The following ZNF429 variants were observed in gnomAD, a reference collection of about 807,000 sequenced individuals.
The protein encoded by ZNF429 is zinc finger protein 429.
Under a neutral mutation model 56.8 loss-of-function variants are expected in ZNF429, and 53 were observed. The ratio of observed to expected loss-of-function variants is 0.93; its 90% confidence interval spans 0.75 to 1.17. The LOEUF (loss-of-function observed/expected upper bound fraction) is 1.17, where lower values mean the gene tolerates loss of function less well. ZNF429 is among the 50% of genes most tolerant of loss of function. The pLI is 0.00. For synonymous variants in ZNF429, 278 were observed against 264.7 expected, an observed-to-expected ratio of 1.05 and a Z score of -0.49; for missense variants, 849 against 788.4, an observed-to-expected ratio of 1.08 and a Z score of -0.92.
At position 21,538,621 on chromosome 19, in the gene ZNF429, A is replaced by T. The variant is rs570612321; in HGVS notation, c.*543A>T. ...TCTAAAAAATATATAAATAAATAAA[A>T]GAAAGAAAATTCATAGTAGAGAGAA... On this transcript the variant is annotated 3_prime_UTR_variant, in exon 4 of 4. Coordinates refer to ENST00000358491, the MANE Select transcript of ZNF429 (RefSeq NM_001001415.4). The T allele has an allele frequency of 1.9e-4, 29 of 152,208 alleles. No homozygotes were observed. The highest frequency in any genetic ancestry group is 6.8e-4 in the African/African-American group (28 of 41,458). 9.4% of individuals were successfully genotyped at this position (152,208 alleles called of 1,614,324 possible).
chr19:21,536,745 G>A lies in ZNF429; in HGVS notation c.692G>A (p.Cys231Tyr), dbSNP rs1311252841. Residue 231 changes from cysteine (C) to tyrosine (Y), a missense_variant, in exon 4 of 4, where the codon TGT becomes TAT. By Grantham distance (194) the Cys-to-Tyr change is radical (BLOSUM62 -2). Coordinates refer to ENST00000358491, the MANE Select transcript of ZNF429 (RefSeq NM_001001415.4). ...TATGTTGGTGAGAAACACTACAGAT[G>A]TGAAGAATGTGGCAAAGCATTTAAC... is the stretch of plus-strand genomic sequence containing the variant. ...RIYVGEKHYR[C>Y]EECGKAFNHY... 8 of 1,613,550 alleles carry A rather than the reference G, an allele frequency of 5.0e-6. No homozygotes were observed. The highest frequency in any genetic ancestry group is 4.2e-6 in the Non-Finnish European group (5 of 1,179,926).
At position 21,511,406 on chromosome 19, in the gene ZNF429, G is replaced by A. The variant is rs1225208695; in HGVS notation, c.3+5632G>A. ...CTCCTCACCTCCCAGACAGGGTCAC[G>A]GCCGGGCAGAGGCGCTCCTCACATC... On this transcript the variant is annotated intron_variant, in intron 1 of 3. Coordinates refer to ENST00000358491, the MANE Select transcript of ZNF429 (RefSeq NM_001001415.4). Among the ~76,000 whole-genome samples, 4 of 151,740 alleles carry A rather than the reference G, an allele frequency of 2.6e-5. No homozygotes were observed. The South Asian group carries it at 8.3e-4, about 32-fold the overall frequency.
At chr19:21,532,451 C>T in intron 3 of ZNF429, among the ~76,000 whole-genome samples, 3 of 152,082 alleles carry the variant, frequency 2.0e-5, no homozygotes, top group Admixed American at 6.6e-5. Flanking sequence ...GAAACCACTA[C>T]TCTCAAACAT....
Position 21,535,361 on chromosome 19 carries a change from CTT to C in ZNF429, c.227-917_227-916del. On this transcript the variant is annotated intron_variant, in intron 3 of 3. Coordinates refer to ENST00000358491, the MANE Select transcript of ZNF429 (RefSeq NM_001001415.4). The stretch of plus-strand genomic sequence containing the variant: ...TTTCTTTCCTTTCCTTTCTTTTCTT[CTT>C]TCTTTCTTTCTTTCTTTTTTACTTT... 3.2e-4 allele frequency among the ~76,000 whole-genome samples: 14 copies of C among 43,892 alleles called. 1 individual carries two copies. Among genetic ancestry groups the C allele is most frequent in the East Asian group, 2.1e-3 (4 of 1,936 alleles). 28.8% of individuals were successfully genotyped at this position (43,892 alleles called of 152,430 possible).
intron 3 of ZNF429, among the ~76,000 whole-genome samples, chr19:21,533,108 C>G: frequency 4.6e-5 from 7 of 151,820 alleles, no homozygotes; most frequent in Non-Finnish European, 8.8e-5. Flanking sequence ...GCATCATCAA[C>G]AGCTTTGGTG....
At position 21,537,104 on chromosome 19, in the gene ZNF429, A is replaced by C. The variant is rs1447257660; in HGVS notation, c.1051A>C (p.Asn351His). ...YKCEECGKAF[N>H]WSSTLTKHKV... Reference sequence around the variant, plus strand: ...ATGTGAAGAATGTGGCAAAGCCTTTAACTGGTCTTCAACTCTTACTAAACA... The same window carrying C: ...ATGTGAAGAATGTGGCAAAGCCTTTCACTGGTCTTCAACTCTTACTAAACA... The change falls in exon 4 of 4, where the codon AAC becomes CAC. Residue 351 changes from asparagine (N) to histidine (H), a missense_variant. Coordinates refer to ENST00000358491, the MANE Select transcript of ZNF429 (RefSeq NM_001001415.4). 2 of 1,613,990 alleles carry C rather than the reference A, an allele frequency of 1.2e-6. No homozygotes were observed. The highest frequency in any genetic ancestry group is 1.3e-5 in the African/African-American group (1 of 75,048).
At position 21,536,770 on chromosome 19, in the gene ZNF429, C is replaced by T. The variant is rs763511565; in HGVS notation, c.717C>T (p.Asn239=). Residue 239 remains asparagine, a synonymous_variant, in exon 4 of 4, where the codon AAC becomes AAT. Transcript: ENST00000358491. ...YRCEECGKAF[N]HYSTLTNHKR... The stretch of plus-strand genomic sequence containing the variant: ...GTGAAGAATGTGGCAAAGCATTTAA[C>T]CACTACTCAACCCTTACTAACCATA... The T allele has an allele frequency of 6.2e-7, 1 of 1,613,248 alleles. No individual in the cohort carries two copies. The highest frequency in any genetic ancestry group is 8.5e-7 in the Non-Finnish European group (1 of 1,179,810).
At chr19:21,509,912 AT>A (rs1241352436) in intron 1 of ZNF429, among the ~76,000 whole-genome samples, 205 of 146,998 alleles carry the variant, frequency 1.4e-3, no homozygotes, top group Middle Eastern at 3.5e-3. Flanking sequence ...TTTTTTAATA[AT>A]TTTTTTTTTT....
At chr19:21,516,978 T>C (rs2032772534) in intron 1 of ZNF429, among the ~76,000 whole-genome samples, 1 of 152,206 alleles carries the variant, frequency 6.6e-6, no homozygotes, top group African/African-American at 2.4e-5. Context: ...TCCAATTCTA[T>C]GTTGAATAAA....
At chr19:21,522,281 A>G (rs1381113654) in intron 1 of ZNF429, among the ~76,000 whole-genome samples, 1 of 152,146 alleles carries the variant, frequency 6.6e-6, no homozygotes, top group Non-Finnish European at 1.5e-5. Flanking sequence ...CTCTCAAATT[A>G]CCAGGTAAAT....
intron 1 of ZNF429, among the ~76,000 whole-genome samples, chr19:21,519,385 G>A (rs924840925): frequency 3.9e-5 from 6 of 152,166 alleles, no homozygotes; most frequent in Non-Finnish European, 5.9e-5. Flanking sequence ...GCCTGAGCAG[G>A]CCTGGATTGC....
Position 21,508,174 on chromosome 19 carries a change from C to T in ZNF429, c.3+2400C>T, listed in dbSNP as rs112586210. Reference sequence around the variant, plus strand: ...GGCTGAGGCAGAAGAACTCGGGAGGCGGAGGTTGCGGTGAGCCGAGATCGT... The same window carrying T: ...GGCTGAGGCAGAAGAACTCGGGAGGTGGAGGTTGCGGTGAGCCGAGATCGT... On this transcript the variant is annotated intron_variant, in intron 1 of 3. Transcript: ENST00000358491. 3.9e-3 allele frequency among the ~76,000 whole-genome samples: 592 copies of T among 149,880 alleles called. 6 individuals are homozygous for T. The highest frequency in any genetic ancestry group is 0.01 in the African/African-American group (419 of 40,610).
In ZNF429 at chr19:21,530,327, A is replaced by T; in HGVS notation, c.131-262A>T. Among the ~76,000 whole-genome samples the T allele has an allele frequency of 1.2e-4, 18 of 152,240 alleles. 1 individual carries two copies. In the East Asian group the frequency reaches 3.5e-3, roughly 29 times the overall value. The stretch of plus-strand genomic sequence containing the variant: ...CTCTTGATTAGTGATAATTTCAGGA[A>T]TTTGGTGGCCTAAAATATTGTTGCC... On this transcript the variant is annotated intron_variant, in intron 2 of 3. Transcript: ENST00000358491.
rs997890249 is a variant in ZNF429 at position 21,539,926 on chromosome 19, T to C, written c.*1848T>C. ...CCTCTTCTGTAAAAAAGTAAGGACA[T>C]TAAAATGTAAGATGCTTGATGAAAA... On this transcript the variant is annotated 3_prime_UTR_variant, in exon 4 of 4. Transcript: ENST00000358491. Among the ~76,000 whole-genome samples the C allele has an allele frequency of 2.6e-5, 4 of 152,092 alleles. No homozygotes were observed. Among genetic ancestry groups the C allele is most frequent in the Non-Finnish European group, 5.9e-5 (4 of 68,016 alleles).
intron 1 of ZNF429, among the ~76,000 whole-genome samples, chr19:21,526,642 ATAAAT>A (rs1307578297): frequency 6.6e-6 from 1 of 152,238 alleles, no homozygotes; most frequent in African/African-American, 2.4e-5. Context: ...ACCAGTGGCT[ATAAAT>A]TAAATTAATA....
chr19:21,533,525 C>T, intron 3 of ZNF429, among the ~76,000 whole-genome samples: 2 of 149,210 alleles, frequency 1.3e-5, no homozygotes, highest in East Asian at 3.9e-4. Flanking sequence ...AGTCCAATGT[C>T]ATGTCTTTCT....
chr19:21,518,020 C>T (rs1290873444), intron 1 of ZNF429, among the ~76,000 whole-genome samples: 2 of 79,184 alleles, frequency 2.5e-5, no homozygotes, highest in Admixed American at 1.3e-4. Context: ...TATCTCCTGA[C>T]CTTGTGATCC....
intron 1 of ZNF429, among the ~76,000 whole-genome samples, chr19:21,510,034 A>G (rs1272486514): frequency 6.6e-6 from 1 of 151,832 alleles, no homozygotes; most frequent in Non-Finnish European, 1.5e-5. Flanking sequence ...TCAGCCTCCC[A>G]AGTAGCTGGG....
rs910494092 is a variant in ZNF429 at position 21,538,470 on chromosome 19, C to G, written c.*392C>G. Among the ~76,000 whole-genome samples the G allele has an allele frequency of 6.6e-6, 1 of 150,908 alleles. No homozygotes were observed. The highest frequency in any genetic ancestry group is 1.5e-5 in the Non-Finnish European group (1 of 67,778). On this transcript the variant is annotated 3_prime_UTR_variant, in exon 4 of 4. Transcript: ENST00000358491. ...CAAAAATTAGCTGGATGTGGTGGCACATGCCTGTAGTCCTAGCTACTTGGG... is the reference window on the plus strand; with the variant it reads ...CAAAAATTAGCTGGATGTGGTGGCAGATGCCTGTAGTCCTAGCTACTTGGG...
Sources: gnomAD v4.1 joint callset for allele counts (sites outside exome capture counted in the v4.1 genomes callset) on GRCh38, gnomAD v4.1.1 for gene constraint, MANE v1.5 for transcripts, NCBI Gene and HGNC (gene_info 2026-07-23, HGNC 2026-07-21) for gene names.